The following WNK2 variants were observed in gnomAD, a reference collection of about 807,000 sequenced individuals.
WNK2 encodes serine/threonine-protein kinase WNK2.
A neutral mutation model predicts 192.1 loss-of-function variants in WNK2; 67 were observed. The observed-to-expected ratio is 0.35, with a 90% confidence interval of 0.29 to 0.43. The LOEUF (loss-of-function observed/expected upper bound fraction) is 0.43, where lower values mean the gene tolerates loss of function less well. Among genes scored for constraint, WNK2 ranks in the 20% least tolerant of loss-of-function variants. WNK2 has a pLI of 1.00. For synonymous variants in WNK2, 1,439 were observed against 1,393.9 expected (o/e 1.03, Z -0.72); for missense variants, 2,698 against 3,089.7 (o/e 0.87, Z 3.01).
intron 2 of WNK2, among the ~76,000 whole-genome samples, chr9:93,196,815 C>T (rs914856831): frequency 5.3e-5 from 8 of 152,104 alleles, no homozygotes; most frequent in East Asian, 3.8e-4. Flanking sequence ...GTGGGTGGAG[C>T]GTGCCTGCTG....
chr9:93,291,904 C>T (rs985842240), intron 21 of WNK2, among the ~76,000 whole-genome samples: 12 of 152,178 alleles, frequency 7.9e-5, no homozygotes, highest in South Asian at 2.1e-4. Context: ...TTTGAGACAC[C>T]GTGGGAGCAG....
At chr9:93,217,141 T>C (rs576016705) in intron 2 of WNK2, among the ~76,000 whole-genome samples, 1 of 152,158 alleles carries the variant, frequency 6.6e-6, no homozygotes, top group Non-Finnish European at 1.5e-5. Context: ...GTATTTTTAG[T>C]AGAGATGGGG....
intron 19 of WNK2, among the ~76,000 whole-genome samples, chr9:93,272,622 C>T (rs1375007210): frequency 3.3e-5 from 5 of 151,390 alleles, no homozygotes; most frequent in African/African-American, 9.7e-5. Flanking sequence ...CCTGTAGTCC[C>T]AGCTACTCAG....
At chr9:93,318,285 T>G in intron 29 of WNK2, 1 of 1,512,816 alleles carries the variant, frequency 6.6e-7, no homozygotes, top group Non-Finnish European at 8.8e-7. Flanking sequence ...AATCTTTGGT[T>G]TTCTGTTGTA....
chr9:93,232,290 C>T (rs948186657), intron 4 of WNK2, among the ~76,000 whole-genome samples: 2 of 152,150 alleles, frequency 1.3e-5, no homozygotes, highest in Non-Finnish European at 2.9e-5. Context: ...GCCCTGTGTA[C>T]ACAAAGCCTC....
Position 93,185,318 on chromosome 9 carries a change from C to CAG in WNK2, c.390_391dup (p.Ala131GlufsTer22). The CAG allele has an allele frequency of 6.6e-7, 1 of 1,518,814 alleles. No homozygotes were observed. Among genetic ancestry groups the CAG allele is most frequent in the Non-Finnish European group, 8.8e-7 (1 of 1,137,398 alleles). 94.1% of individuals were successfully genotyped at this position (1,518,814 alleles called of 1,614,324 possible). A position where few individuals can be genotyped will look rare whatever the true frequency, so the allele number is the denominator to read the frequency against. ...CAGGAGCCCGGCCCGGACCCCATCGCAGCCGCTGTCGAAACCGCGCCTGCC... is the reference window on the plus strand; with the variant it reads ...CAGGAGCCCGGCCCGGACCCCATCGCAGAGCCGCTGTCGAAACCGCGCCTGCC... On this transcript the variant is annotated frameshift_variant, in exon 2 of 30. Coordinates refer to ENST00000427277, the MANE Select transcript of WNK2 (RefSeq NM_006648.4). LOFTEE classifies it high-confidence loss of function.
At position 93,230,788 on chromosome 9, in the gene WNK2, A is replaced by C. The variant is rs1838655746; in HGVS notation, c.855-100A>C. ...ACGGGTATGTGCCGTGTGCACGGGA[A>C]TGGACTTTGTACCAGGCCTAAGCAG... On this transcript the variant is annotated intron_variant, in intron 3 of 29. Transcript: ENST00000427277. The C allele has an allele frequency of 1.6e-5, 17 of 1,081,790 alleles. No homozygotes were observed. In the South Asian group the frequency reaches 2.4e-4, roughly 15 times the overall value. The allele number at this position is 1,081,790 out of a possible 1,614,324, so 67.0% of individuals were successfully genotyped here.
intron 9 of WNK2, among the ~76,000 whole-genome samples, chr9:93,254,444 C>A (rs2132695430): frequency 6.6e-6 from 1 of 152,326 alleles, no homozygotes; most frequent in African/African-American, 2.4e-5. Context: ...TTCTGGCCTC[C>A]TCTGTCCTGC....
intron 28 of WNK2, chr9:93,317,316 T>C (rs925974462): frequency 3.3e-6 from 2 of 609,972 alleles, no homozygotes; most frequent in Non-Finnish European, 5.8e-6. Context: ...AGGCTGCAGC[T>C]TGGGGAAGCA....
rs756289430 is a variant in WNK2, at chr9:93,263,658, G to A, written c.3503G>A (p.Arg1168Gln). 5 of 1,597,704 alleles carry A rather than the reference G, an allele frequency of 3.1e-6. No individual in the cohort carries two copies. Among genetic ancestry groups the A allele is most frequent in the Non-Finnish European group, 4.3e-6 (5 of 1,175,462 alleles). ...GGGRLEGRAARKHHRRSTRAR... is the reference protein window; with the variant it reads ...GGGRLEGRAAQKHHRRSTRAR... ...GGCAGGCTGGAGGGCAGGGCAGCCCGAAAACACCACCGCAGGTCCACGCGT... is the reference window on the plus strand; with the variant it reads ...GGCAGGCTGGAGGGCAGGGCAGCCCAAAAACACCACCGCAGGTCCACGCGT... The change falls in exon 15 of 30, where the codon CGA (arginine) becomes CAA (glutamine). Residue 1168 changes from arginine (R) to glutamine (Q), a missense_variant. Coordinates refer to ENST00000427277, the MANE Select transcript of WNK2 (RefSeq NM_006648.4).
At chr9:93,249,446 G>T (rs1842223837) in intron 8 of WNK2, among the ~76,000 whole-genome samples, 1 of 152,166 alleles carries the variant, frequency 6.6e-6, no homozygotes, top group South Asian at 2.1e-4. Context: ...TTTGTGCAGA[G>T]GCCATGGCCA....
At chr9:93,275,975 CA>C (rs1313614543) in intron 19 of WNK2, among the ~76,000 whole-genome samples, 5 of 152,194 alleles carry the variant, frequency 3.3e-5, no homozygotes, top group Admixed American at 1.3e-4. Context: ...AATAGAGAAG[CA>C]TACTGTGTTC....
chr9:93,295,480 G>A (rs1415656563), intron 23 of WNK2, among the ~76,000 whole-genome samples: 1 of 152,048 alleles, frequency 6.6e-6, no homozygotes, highest in African/African-American at 2.4e-5. Context: ...TGTGGCAGGT[G>A]TTGAAATTCA....
intron 25 of WNK2, among the ~76,000 whole-genome samples, chr9:93,299,774 C>T (rs1350472186): frequency 6.6e-6 from 1 of 152,182 alleles, no homozygotes; most frequent in Non-Finnish European, 1.5e-5. Context: ...GCTCTCCTGT[C>T]CTCACCATCT....
chr9:93,211,084 A>G (rs1173528666), intron 2 of WNK2, among the ~76,000 whole-genome samples: 1 of 152,150 alleles, frequency 6.6e-6, no homozygotes. Context: ...ACACTCACAC[A>G]TTTACTCATT....
chr9:93,287,895 A>G (rs994939807), intron 19 of WNK2, among the ~76,000 whole-genome samples: 1 of 152,106 alleles, frequency 6.6e-6, no homozygotes, highest in Non-Finnish European at 1.5e-5. Flanking sequence ...ACCCAGTCTC[A>G]TATGAAAAAT....
chr9:93,313,991 C>G (rs556065900), intron 28 of WNK2, among the ~76,000 whole-genome samples: 1 of 151,960 alleles, frequency 6.6e-6, no homozygotes, highest in Non-Finnish European at 1.5e-5. Flanking sequence ...AGCTGGGCTG[C>G]TGGGTGCAGT....
At chr9:93,273,130 G>T (rs1179672235) in intron 19 of WNK2, among the ~76,000 whole-genome samples, 2 of 152,202 alleles carry the variant, frequency 1.3e-5, no homozygotes, top group African/African-American at 4.8e-5. Flanking sequence ...AATTACCAGG[G>T]TTAAAAAGAG....
At chr9:93,211,364 ATCAC>A (rs1412343895) in intron 2 of WNK2, among the ~76,000 whole-genome samples, 6 of 144,140 alleles carry the variant, frequency 4.2e-5, no homozygotes, top group African/African-American at 1.3e-4. Flanking sequence ...CTACTCACTC[ATCAC>A]TCACTCACAC....
Sources: allele counts gnomAD v4.1 joint callset (sites outside exome capture counted in the v4.1 genomes callset), GRCh38; gene constraint gnomAD v4.1.1; transcripts MANE v1.5; gene names NCBI Gene and HGNC (gene_info 2026-07-23, HGNC 2026-07-21).